The following HASPIN variants were observed in gnomAD, a reference collection of about 807,000 sequenced individuals.
HASPIN encodes histone H3 associated protein kinase.
A neutral mutation model predicts 28.8 loss-of-function variants in HASPIN; 24 were observed. The ratio of observed to expected loss-of-function variants is 0.83; its 90% confidence interval spans 0.60 to 1.17. HASPIN has a LOEUF of 1.17. Among genes scored for constraint, HASPIN ranks in the 50% most tolerant of loss-of-function variants. The pLI is 0.00. For missense variants in HASPIN, 1,016 were observed against 1,018.5 expected (o/e 1.00, Z 0.03); for synonymous variants, 440 against 413.1 (o/e 1.07, Z -0.79).
Position 3,725,774 on chromosome 17 carries a change from G to A in HASPIN, c.1839G>A (p.Glu613=). 6.2e-7 allele frequency: 1 copy of A among 1,601,424 alleles called. No individual in the cohort carries two copies. The highest frequency in any genetic ancestry group is 1.7e-4 in the Middle Eastern group (1 of 6,004). The change falls in exon 1 of 1, where the codon GAG becomes GAA. Residue 613 remains glutamate (E), a synonymous_variant. Transcript: ENST00000325418. ...LEFEFGGIDL[E]QMRTKLSSLA... ...TTGAGTTTGGAGGGATTGACTTAGAGCAAATGCGAACCAAGTTGTCTTCCT... is the reference window on the plus strand; with the variant it reads ...TTGAGTTTGGAGGGATTGACTTAGAACAAATGCGAACCAAGTTGTCTTCCT...
chr17:3,725,904 T>G lies in HASPIN; in HGVS notation c.1969T>G (p.Leu657Val), dbSNP rs141901258. The G allele has an allele frequency of 8.1e-6, 13 of 1,612,928 alleles. No individual in the cohort carries two copies. Among genetic ancestry groups the G allele is most frequent in the Non-Finnish European group, 1.1e-5 (13 of 1,179,942 alleles). The change falls in exon 1 of 1, where the codon TTA becomes GTA. Residue 657 changes from leucine (L) to valine (V), a missense_variant. Around this residue, in one of 3 missense-constraint regions of HASPIN, gnomAD observed 881 missense variants for 845.5 expected, o/e 1.04. Coordinates refer to ENST00000325418, the MANE Select transcript of HASPIN (RefSeq NM_031965.2). The stretch of plus-strand genomic sequence containing the variant: ...AGACTTACACTGGGGGAACGTGCTC[T>G]TAAAGAAAACCAGCCTCAAAAAACT... ...HRDLHWGNVL[L>V]KKTSLKKLHY...
rs1223719414 is a variant in HASPIN at position 3,724,252 on chromosome 17, G to T, written c.317G>T (p.Arg106Leu). 6.3e-7 allele frequency: 1 copy of T among 1,592,470 alleles called. No individual in the cohort carries two copies. The change falls in exon 1 of 1, where the codon CGC becomes CTC. Residue 106 changes from arginine (R) to leucine (L), a missense_variant. Physicochemically the swap from Arg to Leu is moderately radical, Grantham distance 102 (BLOSUM62 -2). Coordinates refer to ENST00000325418, the MANE Select transcript of HASPIN (RefSeq NM_031965.2). ...VTPKRWKLRA[R>L]PSLTVTPRRL... Reference sequence around the variant, plus strand: ...CCAAAGCGCTGGAAGCTGCGAGCTCGCCCAAGCCTAACCGTGACCCCAAGA... The same window carrying T: ...CCAAAGCGCTGGAAGCTGCGAGCTCTCCCAAGCCTAACCGTGACCCCAAGA...
At position 3,726,173 on chromosome 17, in the gene HASPIN, T is replaced by A. The variant is rs766323684; in HGVS notation, c.2238T>A (p.His746Gln). 3 of 1,614,064 alleles carry A rather than the reference T, an allele frequency of 1.9e-6. No individual in the cohort carries two copies. The change falls in exon 1 of 1, where the codon CAT (histidine) becomes CAA (glutamine). Residue 746 changes from histidine (H) to glutamine (Q), a missense_variant. By Grantham distance (24) the His-to-Gln change is conservative. Around this residue, in one of 3 missense-constraint regions of HASPIN, gnomAD observed 129 missense variants for 156.2 expected, o/e 0.83. Coordinates refer to ENST00000325418, the MANE Select transcript of HASPIN (RefSeq NM_031965.2). ...YHPYSNVLWL[H>Q]YLTDKMLKQM... ...CTTATAGTAATGTGCTCTGGTTACA[T>A]TACCTGACAGACAAGATGCTGAAAC...
In HASPIN at chr17:3,725,880, G is replaced by C; in HGVS notation, c.1945G>C (p.Asp649His). Reference sequence around the variant, plus strand: ...GGCATCACTGCGCTTTGAGCACCGAGACTTACACTGGGGGAACGTGCTCTT... The same window carrying C: ...GGCATCACTGCGCTTTGAGCACCGACACTTACACTGGGGGAACGTGCTCTT... ...AEASLRFEHR[D>H]LHWGNVLLKK... Residue 649 changes from aspartate to histidine, a missense_variant, in exon 1 of 1, where the codon GAC (aspartate) becomes CAC (histidine). Physicochemically the swap from Asp to His is moderately conservative, Grantham distance 81. Around this residue, in one of 3 missense-constraint regions of HASPIN, gnomAD observed 881 missense variants for 845.5 expected, o/e 1.04. Coordinates refer to ENST00000325418, the MANE Select transcript of HASPIN (RefSeq NM_031965.2). 6.2e-7 allele frequency: 1 copy of C among 1,612,178 alleles called. No individual in the cohort carries two copies.
In HASPIN at chr17:3,725,444, T is replaced by A; in HGVS notation, c.1509T>A (p.Ala503=). The change falls in exon 1 of 1, where the codon GCT becomes GCA. Residue 503 remains alanine (A), a synonymous_variant. Transcript: ENST00000325418. ...TTGGCGAAGTGTTTCAAACAATTGC[T>A]GATCACACACCCGTAGCCATAAAAA... The part of the protein sequence containing the change: ...GVFGEVFQTI[A]DHTPVAIKII... The A allele has an allele frequency of 6.2e-7, 1 of 1,614,198 alleles. No homozygotes were observed. The highest frequency in any genetic ancestry group is 8.5e-7 in the Non-Finnish European group (1 of 1,180,036).
In HASPIN at chr17:3,725,466, A is replaced by G; in HGVS notation, c.1531A>G (p.Lys511Glu). The change falls in exon 1 of 1, where the codon AAA becomes GAA. Residue 511 changes from lysine to glutamate, a missense_variant. Transcript: ENST00000325418. ...TGCTGATCACACACCCGTAGCCATA[A>G]AAATCATTGCTATTGAAGGACCAGA... ...TIADHTPVAI[K>E]IIAIEGPDLV... 1 of 1,614,234 alleles carries G rather than the reference A, an allele frequency of 6.2e-7. No individual in the cohort carries two copies. The highest frequency in any genetic ancestry group is 8.5e-7 in the Non-Finnish European group (1 of 1,180,046).
At position 3,724,444 on chromosome 17, in the gene HASPIN, G is replaced by C; in HGVS notation, c.509G>C (p.Ser170Thr). ...CTGGGCATCAGTGCCTCCCTGTTCA[G>C]CTCTCTGGCCTCGCCCTGCCCCGGG... is the stretch of plus-strand genomic sequence containing the variant. ...DELGISASLF[S>T]SLASPCPGSP... The change falls in exon 1 of 1, where the codon AGC (serine) becomes ACC (threonine). Residue 170 changes from serine (S) to threonine (T), a missense_variant. Coordinates refer to ENST00000325418, the MANE Select transcript of HASPIN (RefSeq NM_031965.2). The C allele has an allele frequency of 3.1e-6, 5 of 1,613,582 alleles. No homozygotes were observed. Among genetic ancestry groups the C allele is most frequent in the Non-Finnish European group, 4.2e-6 (5 of 1,179,994 alleles).
rs868627328 is a variant in HASPIN at position 3,724,819 on chromosome 17, C to G, written c.884C>G (p.Thr295Arg). 1 of 1,614,162 alleles carries G rather than the reference C, an allele frequency of 6.2e-7. No individual in the cohort carries two copies. The highest frequency in any genetic ancestry group is 8.5e-7 in the Non-Finnish European group (1 of 1,180,040). Residue 295 changes from threonine (T) to arginine (R), a missense_variant, in exon 1 of 1, where the codon ACA (threonine) becomes AGA (arginine). Coordinates refer to ENST00000325418, the MANE Select transcript of HASPIN (RefSeq NM_031965.2). ...GLSSTGKRRA[T>R]GQDSCQERGL... ...TCAAGCACAGGCAAGAGGAGGGCCA[C>G]AGGCCAGGACTCTTGTCAAGAGAGA... is the stretch of plus-strand genomic sequence containing the variant.
chr17:3,726,502 A>G lies in HASPIN; in HGVS notation c.*170A>G, dbSNP rs1469244976. 9.9e-6 allele frequency: 6 copies of G among 606,222 alleles called. No individual in the cohort carries two copies. The highest frequency in any genetic ancestry group is 1.8e-5 in the Non-Finnish European group (6 of 336,102). 37.6% of individuals were successfully genotyped at this position (606,222 alleles called of 1,614,324 possible). A position where few individuals can be genotyped will look rare whatever the true frequency, so the allele number is the denominator to read the frequency against. On this transcript the variant is annotated 3_prime_UTR_variant, in exon 1 of 1. Coordinates refer to ENST00000325418, the MANE Select transcript of HASPIN (RefSeq NM_031965.2). The stretch of plus-strand genomic sequence containing the variant: ...AATGGAAACTGAAATATTTGTTGAA[A>G]TGTTTAAATTTGCTGATAACAAATG...
Position 3,726,425 on chromosome 17 carries a change from T to C in HASPIN, c.*93T>C. 3.7e-6 allele frequency: 3 copies of C among 811,336 alleles called. No homozygotes were observed. Among genetic ancestry groups the C allele is most frequent in the Non-Finnish European group, 6.0e-6 (3 of 502,852 alleles). 50.3% of individuals were successfully genotyped at this position (811,336 alleles called of 1,614,324 possible). On this transcript the variant is annotated 3_prime_UTR_variant, in exon 1 of 1. Coordinates refer to ENST00000325418, the MANE Select transcript of HASPIN (RefSeq NM_031965.2). ...CTCCATCCCCACAGGAGGGTGGAACTCCCATTCTCACAGGTTTCCAGTCAG... is the reference window on the plus strand; with the variant it reads ...CTCCATCCCCACAGGAGGGTGGAACCCCCATTCTCACAGGTTTCCAGTCAG...
At position 3,725,021 on chromosome 17, in the gene HASPIN, G is replaced by A. The variant is rs768061514; in HGVS notation, c.1086G>A (p.Leu362=). ...HSHRFKKGQK[L]GKDSFPTQDL... ...ACCGCTTTAAAAAGGGCCAAAAGCT[G>A]GGAAAAGATTCGTTCCCCACCCAGG... Residue 362 remains leucine (L), a synonymous_variant, in exon 1 of 1, where the codon CTG becomes CTA. Coordinates refer to ENST00000325418, the MANE Select transcript of HASPIN (RefSeq NM_031965.2). 2 of 1,614,186 alleles carry A rather than the reference G, an allele frequency of 1.2e-6. No homozygotes were observed. The highest frequency in any genetic ancestry group is 2.2e-5 in the South Asian group (2 of 91,088).
Position 3,723,994 on chromosome 17 carries a change from A to G in HASPIN, c.59A>G (p.Asp20Gly). Residue 20 changes from aspartate (D) to glycine (G), a missense_variant, in exon 1 of 1, where the codon GAC (aspartate) becomes GGC (glycine). Physicochemically the swap from Asp to Gly is moderately conservative, Grantham distance 94. This residue lies in a region of HASPIN where 881 missense variants were observed against 845.5 expected (regional missense o/e 1.04). Transcript: ENST00000325418. ...CTTTTCCGCACATATGGGGCTGCGG[A>G]CGGCAGGAGACAGCGGCGGCCGGGC... ...SRLFRTYGAA[D>G]GRRQRRPGRE... is the part of the protein sequence containing the mutation. 1 of 1,592,590 alleles carries G rather than the reference A, an allele frequency of 6.3e-7. No individual in the cohort carries two copies. The highest frequency in any genetic ancestry group is 8.5e-7 in the Non-Finnish European group (1 of 1,172,342).
chr17:3,723,916 C>T lies in HASPIN; in HGVS notation c.-20C>T. On this transcript the variant is annotated 5_prime_UTR_variant, in exon 1 of 1. Coordinates refer to ENST00000325418, the MANE Select transcript of HASPIN (RefSeq NM_031965.2). ...AAGTCTCGCGATGTTTGCGTTTGAACCTCTTGGCGGGTGCCGGCCATGGCG... is the reference window on the plus strand; with the variant it reads ...AAGTCTCGCGATGTTTGCGTTTGAATCTCTTGGCGGGTGCCGGCCATGGCG... The T allele has an allele frequency of 6.5e-7, 1 of 1,541,712 alleles. No homozygotes were observed.
chr17:3,725,632 A>G lies in HASPIN; in HGVS notation c.1697A>G (p.Gln566Arg). 6.2e-7 allele frequency: 1 copy of G among 1,610,376 alleles called. No individual in the cohort carries two copies. ...FIGLNSVHCVQGSYPPLLLKA... is the reference protein window; with the variant it reads ...FIGLNSVHCVRGSYPPLLLKA... ...GGGCTGAACTCAGTGCACTGTGTCC[A>G]GGGATCTTACCCTCCCTTGCTCCTC... The change falls in exon 1 of 1, where the codon CAG (glutamine) becomes CGG (arginine). Residue 566 changes from glutamine to arginine, a missense_variant. By Grantham distance (43) the Gln-to-Arg change is conservative. This residue lies in a region of HASPIN where 881 missense variants were observed against 845.5 expected (regional missense o/e 1.04). Transcript: ENST00000325418.
rs1453030093 is a variant in HASPIN, at chr17:3,725,366, T to C, written c.1431T>C (p.His477=). 1 of 1,614,078 alleles carries C rather than the reference T, an allele frequency of 6.2e-7. No individual in the cohort carries two copies. Among genetic ancestry groups the C allele is most frequent in the Admixed American group, 1.7e-5 (1 of 60,000 alleles). ...CSQKGPVPFS[H]CLPTEKLQRC... is the part of the protein sequence containing the mutation. ...AGAAGGGTCCTGTCCCCTTTAGCCA[T>C]TGCCTTCCCACAGAAAAACTGCAAC... Residue 477 remains histidine, a synonymous_variant, in exon 1 of 1, where the codon CAT becomes CAC. Coordinates refer to ENST00000325418, the MANE Select transcript of HASPIN (RefSeq NM_031965.2).
chr17:3,724,948 G>T lies in HASPIN; in HGVS notation c.1013G>T (p.Arg338Leu). The change falls in exon 1 of 1, where the codon CGG (arginine) becomes CTG (leucine). Residue 338 changes from arginine (R) to leucine (L), a missense_variant. Physicochemically the swap from Arg to Leu is moderately radical, Grantham distance 102 (BLOSUM62 -2). Around this residue, in one of 3 missense-constraint regions of HASPIN, gnomAD observed 881 missense variants for 845.5 expected, o/e 1.04. Transcript: ENST00000325418. ...AGGCTGGAGAGAACTAGATCAAGCCGGAAGAGCAAACATCAGGAGGCAACG... is the reference window on the plus strand; with the variant it reads ...AGGCTGGAGAGAACTAGATCAAGCCTGAAGAGCAAACATCAGGAGGCAACG... Reference protein sequence around the residue: ...IDRLERTRSSRKSKHQEATET... With the variant: ...IDRLERTRSSLKSKHQEATET... 1 of 1,613,778 alleles carries T rather than the reference G, an allele frequency of 6.2e-7. No homozygotes were observed. Among genetic ancestry groups the T allele is most frequent in the Non-Finnish European group, 8.5e-7 (1 of 1,179,864 alleles).
chr17:3,726,165 T>C lies in HASPIN; in HGVS notation c.2230T>C (p.Trp744Arg), dbSNP rs754002148. The stretch of plus-strand genomic sequence containing the variant: ...ATATCACCCTTATAGTAATGTGCTC[T>C]GGTTACATTACCTGACAGACAAGAT... Reference protein sequence around the residue: ...GEYHPYSNVLWLHYLTDKMLK... With the variant: ...GEYHPYSNVLRLHYLTDKMLK... The change falls in exon 1 of 1, where the codon TGG becomes CGG. Residue 744 changes from tryptophan to arginine, a missense_variant. Coordinates refer to ENST00000325418, the MANE Select transcript of HASPIN (RefSeq NM_031965.2). The C allele has an allele frequency of 6.2e-7, 1 of 1,614,202 alleles. No individual in the cohort carries two copies. Among genetic ancestry groups the C allele is most frequent in the East Asian group, 2.2e-5 (1 of 44,892 alleles).
Position 3,725,253 on chromosome 17 carries a change from T to C in HASPIN, c.1318T>C (p.Ser440Pro). The C allele has an allele frequency of 6.2e-7, 1 of 1,614,194 alleles. No individual in the cohort carries two copies. Among genetic ancestry groups the C allele is most frequent in the Non-Finnish European group, 8.5e-7 (1 of 1,180,026 alleles). ...SGAPSSWHSS[S>P]MYLLSPLNTL... ...TGCTCCGTCCTCTTGGCACTCCTCC[T>C]CTATGTATTTGCTAAGCCCCTTAAA... Residue 440 changes from serine (S) to proline (P), a missense_variant, in exon 1 of 1, where the codon TCT (serine) becomes CCT (proline). Transcript: ENST00000325418.
In HASPIN at chr17:3,726,248, G is replaced by A; in HGVS notation, c.2313G>A (p.Lys771=). 2.5e-6 allele frequency: 4 copies of A among 1,614,192 alleles called. No homozygotes were observed. Among genetic ancestry groups the A allele is most frequent in the Non-Finnish European group, 3.4e-6 (4 of 1,180,030 alleles). The change falls in exon 1 of 1, where the codon AAG becomes AAA. Residue 771 remains lysine (K), a synonymous_variant. Coordinates refer to ENST00000325418, the MANE Select transcript of HASPIN (RefSeq NM_031965.2). ...ACACTCCTGCCATGAAGCAAATTAA[G>A]AGAAAAATCCAGGAGTTCCACAGGA... ...KCNTPAMKQI[K]RKIQEFHRTM...
Sources: gnomAD v4.1 joint callset for allele counts on GRCh38, gnomAD v4.1.1 for gene constraint, gnomAD v4.1.1 regional missense constraint, MANE v1.5 for transcripts, NCBI Gene and HGNC (gene_info 2026-07-23, HGNC 2026-07-21) for gene names.